DAGLB: variants seen among roughly 807,000 people sequenced by gnomAD.
DAGLB encodes diacylglycerol lipase beta, also known as diacylglycerol lipase-beta.
A neutral mutation model predicts 72.1 loss-of-function variants in DAGLB; 66 were observed. The observed-to-expected ratio is 0.92, with a 90% CI of 0.75 to 1.12. DAGLB has a LOEUF of 1.12. Among genes scored for constraint, DAGLB ranks in the 50% most tolerant of loss-of-function variants. DAGLB has a pLI of 0.00. For synonymous variants in DAGLB, 414 were observed against 359.5 expected, an observed-to-expected ratio of 1.15 and a Z score of -1.71; for missense variants, 1,065 against 884.9, an observed-to-expected ratio of 1.20 and a Z score of -2.58.
At chr7:6,426,458 TAG>T (rs905943300) in intron 6 of DAGLB, among the ~76,000 whole-genome samples, 3 of 152,004 alleles carry the variant, frequency 2.0e-5, no homozygotes, top group Non-Finnish European at 4.4e-5. Flanking sequence ...TCAGTACAGA[TAG>T]AGTTTCGCCA....
chr7:6,427,221 C>G (rs562682156), intron 6 of DAGLB, among the ~76,000 whole-genome samples: 106 of 152,302 alleles, frequency 7.0e-4, no homozygotes, highest in Middle Eastern at 6.8e-3. Flanking sequence ...CTGGGTATAG[C>G]AATTCTGAAA....
chr7:6,409,759 G>A lies in DAGLB; in HGVS notation c.*78C>T. 6.7e-7 allele frequency: 1 copy of A among 1,491,092 alleles called. No individual in the cohort carries two copies. The highest frequency in any genetic ancestry group is 9.1e-7 in the Non-Finnish European group (1 of 1,102,532). The allele number at this position is 1,491,092 out of a possible 1,614,324, so 92.4% of individuals were successfully genotyped here. ...GACATTCGCTGTTTTGGCGTCATGG[G>A]AACTCCTCGGATGGTAAGTCAGTTT... On this transcript the variant is annotated 3_prime_UTR_variant, in exon 15 of 15. Transcript: ENST00000297056.
intron 11 of DAGLB, among the ~76,000 whole-genome samples, chr7:6,413,629 CAAAAG>C (rs1783806765): frequency 1.5e-5 from 2 of 131,274 alleles, no homozygotes; most frequent in African/African-American, 5.9e-5. Flanking sequence ...GACTCCATCT[CAAAAG>C]AAAAAAAAAA....
chr7:6,413,127 G>T (rs1783787545), intron 11 of DAGLB, 93 bp from the exon 12 acceptor site: 1 of 1,348,382 alleles, frequency 7.4e-7, no homozygotes, highest in Non-Finnish European at 1.0e-6. Context: ...GAGGGGTTAG[G>T]TTCCCAGGCC....
intron 13 of DAGLB, among the ~76,000 whole-genome samples, chr7:6,411,874 GTTTT>G (rs1054338200): frequency 1.3e-5 from 2 of 152,020 alleles, no homozygotes; most frequent in East Asian, 3.9e-4. Context: ...TAATTTTTAA[GTTTT>G]TTTTCTTTTG....
At chr7:6,413,909 TTCA>T (rs1349434125) in intron 11 of DAGLB, among the ~76,000 whole-genome samples, 1 of 152,148 alleles carries the variant, frequency 6.6e-6, no homozygotes, top group Non-Finnish European at 1.5e-5. Context: ...GGTGCAGGCT[TTCA>T]TCAACAGGAG....
rs62454706 is a variant in DAGLB, at chr7:6,430,644, G to C, written c.802-37C>G. 7.5e-3 allele frequency: 11,433 copies of C among 1,519,360 alleles called. 53 individuals carry two copies. The highest frequency in any genetic ancestry group is 9.4e-3 in the Admixed American group (484 of 51,516). 94.1% of individuals were successfully genotyped at this position (1,519,360 alleles called of 1,614,324 possible). A position where few individuals can be genotyped will look rare whatever the true frequency, so the allele number is the denominator to read the frequency against. On this transcript the variant is annotated intron_variant, in intron 5 of 14. Coordinates refer to ENST00000297056, the MANE Select transcript of DAGLB (RefSeq NM_139179.4). ...GGACAAAAACTACTGTTTATTAAGG[G>C]AACTCCTGACACAGAGGATCAACAC...
In DAGLB at chr7:6,409,492, T is replaced by C; in HGVS notation, c.*345A>G. 1 of 294,450 alleles carries C rather than the reference T, an allele frequency of 3.4e-6. No individual in the cohort carries two copies. Among genetic ancestry groups the C allele is most frequent in the South Asian group, 4.9e-5 (1 of 20,306 alleles). The allele number at this position is 294,450 out of a possible 1,614,324, so 18.2% of individuals were successfully genotyped here. ...CCTTGGGGGTGGGAGGCTAAGGAAC[T>C]GTTCACGGTCTTCTGGGTGGGCCCT... is the stretch of plus-strand genomic sequence containing the variant. On this transcript the variant is annotated 3_prime_UTR_variant, in exon 15 of 15. Transcript: ENST00000297056.
chr7:6,431,784 A>C (rs1030059456), intron 5 of DAGLB, among the ~76,000 whole-genome samples: 3 of 152,076 alleles, frequency 2.0e-5, no homozygotes. Context: ...TAAAATAAAA[A>C]ATAAAGATAT....
At position 6,426,031 on chromosome 7, in the gene DAGLB, C is replaced by G. The variant is rs1226199481; in HGVS notation, c.1013G>C (p.Gly338Ala). The G allele has an allele frequency of 3.7e-6, 6 of 1,614,000 alleles. No homozygotes were observed. In the African/African-American group the frequency reaches 8.0e-5, roughly 22 times the overall value. Residue 338 changes from glycine to alanine, a missense_variant, in exon 7 of 15, where the codon GGG (glycine) becomes GCG (alanine). Transcript: ENST00000297056. ...CHFGSILHTT[G>A]LQYRDFIHVS... Reference sequence around the variant, plus strand: ...GTGGATGAAGTCCCTGTACTGCAGCCCTGTGGTGTGCAGGATGGAGCCGAA... The same window carrying G: ...GTGGATGAAGTCCCTGTACTGCAGCGCTGTGGTGTGCAGGATGGAGCCGAA...
chr7:6,447,924 C>A lies in DAGLB; in HGVS notation c.-82G>T. 6.8e-7 allele frequency: 1 copy of A among 1,476,660 alleles called. No homozygotes were observed. Among genetic ancestry groups the A allele is most frequent in the Non-Finnish European group, 9.0e-7 (1 of 1,116,822 alleles). 91.5% of individuals were successfully genotyped at this position (1,476,660 alleles called of 1,614,324 possible). A position where few individuals can be genotyped will look rare whatever the true frequency, so the allele number is the denominator to read the frequency against. On this transcript the variant is annotated 5_prime_UTR_variant, in exon 1 of 15. Coordinates refer to ENST00000297056, the MANE Select transcript of DAGLB (RefSeq NM_139179.4). ...CAAACCAGCACCCTCCGGACGCCGC[C>A]ACCAAATTATCGGCGCTCAAGCGCA...
intron 4 of DAGLB, 67 bp from the exon 5 acceptor site, chr7:6,433,026 C>A: frequency 1.3e-6 from 2 of 1,570,222 alleles, no homozygotes; most frequent in South Asian, 1.2e-5. Flanking sequence ...TCCCTAAAAT[C>A]CAGTCTTCTA....
chr7:6,441,710 C>A (rs1423935982), intron 2 of DAGLB, among the ~76,000 whole-genome samples: 1 of 152,190 alleles, frequency 6.6e-6, no homozygotes, highest in Non-Finnish European at 1.5e-5. Context: ...AGCCACCGCG[C>A]CTGGCCTTCA....
At position 6,409,984 on chromosome 7, in the gene DAGLB, C is replaced by T. The variant is rs760252465; in HGVS notation, c.1872G>A (p.Ala624=). Residue 624 remains alanine (A), a synonymous_variant, in exon 15 of 15, where the codon GCG becomes GCA. Transcript: ENST00000297056. ...AHYSAKWSHE[A]EFSKILIGPK... Reference sequence around the variant, plus strand: ...GACCTATGAGTATTTTGCTGAATTCCGCTTCGTGTGACCACTTGGCGCTAT... The same window carrying T: ...GACCTATGAGTATTTTGCTGAATTCTGCTTCGTGTGACCACTTGGCGCTAT... 138 of 1,614,024 alleles carry T rather than the reference C, an allele frequency of 8.6e-5. No homozygotes were observed. The highest frequency in any genetic ancestry group is 9.9e-5 in the Non-Finnish European group (117 of 1,180,050).
chr7:6,423,867 G>A (rs1562482439), intron 8 of DAGLB, among the ~76,000 whole-genome samples: 1 of 152,176 alleles, frequency 6.6e-6, no homozygotes, highest in Admixed American at 6.5e-5. Context: ...GATTACAGGC[G>A]CCACTGCTTC....
chr7:6,432,713 G>T (rs868754875), intron 5 of DAGLB, 124 bp downstream of exon 5: 4 of 1,220,716 alleles, frequency 3.3e-6, no homozygotes, highest in South Asian at 1.9e-5. Context: ...GAGGGGGAGG[G>T]GAGGGAGGGG....
At position 6,409,835 on chromosome 7, in the gene DAGLB, G is replaced by A. The variant is rs1387846245; in HGVS notation, c.*2C>T. The A allele has an allele frequency of 6.2e-7, 1 of 1,613,494 alleles. No individual in the cohort carries two copies. The highest frequency in any genetic ancestry group is 2.2e-5 in the East Asian group (1 of 44,864). ...TCCTGGGACAGTTTCCAGTGGCCCT[G>A]GTCAGGCCACGTCCACACTGGAGAC... On this transcript the variant is annotated 3_prime_UTR_variant, in exon 15 of 15. Coordinates refer to ENST00000297056, the MANE Select transcript of DAGLB (RefSeq NM_139179.4).
At position 6,446,477 on chromosome 7, in the gene DAGLB, C is replaced by CAA. The variant is rs748156438; in HGVS notation, c.96-375_96-374dup. Among the ~76,000 whole-genome samples the CAA allele has an allele frequency of 8.8e-3, 518 of 58,626 alleles. 71 individuals are homozygous for CAA. The highest frequency in any genetic ancestry group is 0.023 in the East Asian group (31 of 1,320). 38.5% of individuals were successfully genotyped at this position (58,626 alleles called of 152,430 possible). On this transcript the variant is annotated intron_variant, in intron 1 of 14. Coordinates refer to ENST00000297056, the MANE Select transcript of DAGLB (RefSeq NM_139179.4). ...TGGGCAACGATATGAGACTCCGTCT[C>CAA]AAAAAAAAAAAAAAAAAAAAAAAAA...
At chr7:6,436,926 G>T (rs1429809534) in intron 2 of DAGLB, among the ~76,000 whole-genome samples, 2 of 151,982 alleles carry the variant, frequency 1.3e-5, no homozygotes, top group African/African-American at 4.8e-5. Flanking sequence ...AAGGCAGGTA[G>T]ATCACCTGAG....
Sources: gnomAD v4.1 joint callset for allele counts (sites outside exome capture counted in the v4.1 genomes callset) on GRCh38, gnomAD v4.1.1 for gene constraint, MANE v1.5 for transcripts, NCBI Gene and HGNC (gene_info 2026-07-23, HGNC 2026-07-21) for gene names.